Variants in HTRA1 observed in about 807,000 individuals in gnomAD.
HTRA1 encodes the protein HtrA serine peptidase 1.
Under a neutral mutation model 49.7 loss-of-function variants are expected in HTRA1, and 26 were observed. That is an observed-to-expected ratio of 0.52 (90% CI 0.38 to 0.73). HTRA1 has a LOEUF of 0.73. Ranked by LOEUF, HTRA1 falls within the 30% of genes least tolerant of loss-of-function variation. The probability of loss-of-function intolerance (pLI) is 0.00; values close to 1 mark genes in which losing one functional copy is unlikely to be tolerated. For missense variants in HTRA1, 561 were observed against 667.2 expected, an observed-to-expected ratio of 0.84 and a Z score of 1.75; for synonymous variants, 291 against 286.9, an observed-to-expected ratio of 1.01 and a Z score of -0.14.
intron 1 of HTRA1, among the ~76,000 whole-genome samples, chr10:122,474,591 T>C (rs2097487623): frequency 6.6e-6 from 1 of 152,166 alleles, no homozygotes; most frequent in Non-Finnish European, 1.5e-5. Context: ...ACAACCTATG[T>C]TGAGGAGTCA....
chr10:122,502,532 G>T (rs543231777), intron 3 of HTRA1, among the ~76,000 whole-genome samples: 2 of 152,316 alleles, frequency 1.3e-5, no homozygotes, highest in South Asian at 4.1e-4. Flanking sequence ...GGCCGTCTAG[G>T]ACATTAGAGG....
intron 3 of HTRA1, among the ~76,000 whole-genome samples, chr10:122,504,976 G>T (rs556892629): frequency 6.6e-6 from 1 of 152,352 alleles, no homozygotes; most frequent in East Asian, 1.9e-4. Context: ...ACACGGGCTG[G>T]CTGTGGAAAG....
chr10:122,469,315 C>T (rs1167121867), intron 1 of HTRA1, among the ~76,000 whole-genome samples: 1 of 152,118 alleles, frequency 6.6e-6, no homozygotes, highest in African/African-American at 2.4e-5. Context: ...ACACATGAGT[C>T]ATCTCATATC....
At chr10:122,486,807 T>G (rs1206291336) in intron 1 of HTRA1, among the ~76,000 whole-genome samples, 2 of 151,918 alleles carry the variant, frequency 1.3e-5, no homozygotes, top group East Asian at 3.9e-4. Context: ...TGTGACTGTA[T>G]GTATGTGCAC....
Position 122,461,816 on chromosome 10 carries a change from G to T in HTRA1, c.164G>T (p.Gly55Val). 9.3e-7 allele frequency: 1 copy of T among 1,075,742 alleles called. No individual in the cohort carries two copies. The highest frequency in any genetic ancestry group is 1.1e-6 in the Non-Finnish European group (1 of 891,102). 66.6% of individuals were successfully genotyped at this position (1,075,742 alleles called of 1,614,324 possible). A position where few individuals can be genotyped will look rare whatever the true frequency, so the allele number is the denominator to read the frequency against. ...CCGCCGCAGCCGGAGCACTGCGAGGGCGGCCGGGCCCGGGACGCGTGCGGC... is the reference window on the plus strand; with the variant it reads ...CCGCCGCAGCCGGAGCACTGCGAGGTCGGCCGGGCCCGGGACGCGTGCGGC... ...RCPPQPEHCEGGRARDACGCC... is the reference protein window; with the variant it reads ...RCPPQPEHCEVGRARDACGCC... The change falls in exon 1 of 9, where the codon GGC becomes GTC. Residue 55 changes from glycine (G) to valine (V), a missense_variant. Transcript: ENST00000368984.
chr10:122,500,250 A>G (rs2097500342), intron 3 of HTRA1, among the ~76,000 whole-genome samples: 1 of 152,192 alleles, frequency 6.6e-6, no homozygotes, highest in Admixed American at 6.5e-5. Context: ...CTCCTCTTGC[A>G]GCAGTATAAG....
At chr10:122,466,228 C>T (rs1002825770) in intron 1 of HTRA1, among the ~76,000 whole-genome samples, 2 of 152,104 alleles carry the variant, frequency 1.3e-5, no homozygotes, top group African/African-American at 2.4e-5. Context: ...TGCAGTGGCG[C>T]GATCTCGGCT....
In HTRA1 at chr10:122,475,370, G is replaced by A. The variant is rs1446183065; in HGVS notation, c.472+13246G>A. On this transcript the variant is annotated intron_variant, in intron 1 of 8. Coordinates refer to ENST00000368984, the MANE Select transcript of HTRA1 (RefSeq NM_002775.5). ...GAAGTGCCAATGTGTGCTGCAAGTC[G>A]AGGCCAGGCTCCCGGCTCCCCCGCC... Among the ~76,000 whole-genome samples the A allele has an allele frequency of 3.9e-5, 6 of 152,300 alleles. No individual in the cohort carries two copies. In the East Asian group the frequency reaches 7.7e-4, roughly 20 times the overall value.
chr10:122,505,015 G>T (rs891606771), intron 3 of HTRA1, among the ~76,000 whole-genome samples: 4 of 152,240 alleles, frequency 2.6e-5, no homozygotes, highest in African/African-American at 9.6e-5. Context: ...TGTTGGATTT[G>T]CACAGGCCCA....
chr10:122,496,225 GTTCTTTTTTTTTTT>G (rs1476724409), intron 3 of HTRA1, among the ~76,000 whole-genome samples: 11,135 of 80,268 alleles, frequency 0.14, 1,804 homozygotes, highest in South Asian at 0.35. Context: ...GAGATTGTGG[GTTCTTTTTTTTTTT>G]TTTTTTTTTT....
intron 1 of HTRA1, among the ~76,000 whole-genome samples, chr10:122,477,168 T>C (rs12262681): frequency 0.069 from 10,426 of 151,964 alleles, 481 homozygotes; most frequent in African/African-American, 0.12. Context: ...TGGGTTTCAC[T>C]GTGTTAGCCA....
intron 1 of HTRA1, among the ~76,000 whole-genome samples, chr10:122,467,766 T>C (rs935419437): frequency 3.3e-4 from 50 of 151,792 alleles, no homozygotes; most frequent in African/African-American, 1.2e-3. Context: ...CTCCACCTTC[T>C]CTGCCGTTAA....
At chr10:122,499,496 C>T (rs193135034) in intron 3 of HTRA1, among the ~76,000 whole-genome samples, 95 of 152,246 alleles carry the variant, frequency 6.2e-4, no homozygotes, top group African/African-American at 2.2e-3. Flanking sequence ...TGGTCCTGCC[C>T]CCTAGTAGCT....
At chr10:122,483,125 C>T (rs1444709017) in intron 1 of HTRA1, among the ~76,000 whole-genome samples, 1 of 151,856 alleles carries the variant, frequency 6.6e-6, no homozygotes, top group East Asian at 1.9e-4. Flanking sequence ...AGAATAATGA[C>T]TGAAGCTTAT....
Position 122,514,648 on chromosome 10 carries a change from C to A in HTRA1, c.*289C>A, listed in dbSNP as rs1591043635. 7.1e-6 allele frequency: 3 copies of A among 425,284 alleles called. No homozygotes were observed. Among genetic ancestry groups the A allele is most frequent in the South Asian group, 6.3e-5 (3 of 47,370 alleles). The allele number at this position is 425,284 out of a possible 1,614,324, so 26.3% of individuals were successfully genotyped here. A position where few individuals can be genotyped will look rare whatever the true frequency, so the allele number is the denominator to read the frequency against. On this transcript the variant is annotated 3_prime_UTR_variant, in exon 9 of 9. Transcript: ENST00000368984. ...CTTAGACAGTCAGCATTTGTCTCCT[C>A]CTTTAACTGAGTCATCATCTTAGTC...
chr10:122,462,212 C>T, intron 1 of HTRA1, 88 bp downstream of exon 1: 1 of 1,176,906 alleles, frequency 8.5e-7, no homozygotes, highest in Non-Finnish European at 1.2e-6. Flanking sequence ...GGTTGAGGGG[C>T]AGCGAAGCGT....
chr10:122,501,527 C>T (rs2097500859), intron 3 of HTRA1, among the ~76,000 whole-genome samples: 1 of 152,132 alleles, frequency 6.6e-6, no homozygotes, highest in East Asian at 1.9e-4. Flanking sequence ...GTTGCCCACC[C>T]TCCAACTTCC....
At chr10:122,503,345 C>A (rs2097501720) in intron 3 of HTRA1, among the ~76,000 whole-genome samples, 1 of 152,216 alleles carries the variant, frequency 6.6e-6, no homozygotes, top group Non-Finnish European at 1.5e-5. Flanking sequence ...GCTGAGTAGA[C>A]AGACTCGAGG....
intron 1 of HTRA1, among the ~76,000 whole-genome samples, chr10:122,468,999 A>C (rs1207689836): frequency 6.6e-6 from 1 of 152,222 alleles, no homozygotes; most frequent in African/African-American, 2.4e-5. Context: ...CCTCCGCAGC[A>C]TCCCGTGACA....
Sources: allele counts gnomAD v4.1 joint callset (sites outside exome capture counted in the v4.1 genomes callset), GRCh38; gene constraint gnomAD v4.1.1; transcripts MANE v1.5; gene names NCBI Gene and HGNC (gene_info 2026-07-23, HGNC 2026-07-21).